The following RYR3 variants were observed in gnomAD, a reference collection of about 807,000 sequenced individuals.
RYR3 encodes the protein brain ryanodine receptor-calcium release channel.
RYR3 carries 207 observed loss-of-function variants against 584.3 expected under a neutral mutation model. That is an observed-to-expected ratio of 0.35 (90% CI 0.32 to 0.40). The LOEUF is 0.40. Ranked by LOEUF, RYR3 falls within the 10% of genes least tolerant of loss-of-function variation. The pLI is 1.00. For synonymous variants in RYR3, 2,416 were observed against 2,248.5 expected, an observed-to-expected ratio of 1.07 and a Z score of -2.11; for missense variants, 5,616 against 6,089.2, an observed-to-expected ratio of 0.92 and a Z score of 2.59.
chr15:33,734,222 A>G (rs975397843), intron 48 of RYR3, among the ~76,000 whole-genome samples: 7 of 152,220 alleles, frequency 4.6e-5, no homozygotes, highest in African/African-American at 1.7e-4. Context: ...CATTCAACAC[A>G]AGATTTTTAT....
intron 31 of RYR3, among the ~76,000 whole-genome samples, chr15:33,649,661 G>A (rs1209738475): frequency 2.0e-5 from 3 of 152,224 alleles, no homozygotes; most frequent in African/African-American, 7.2e-5. Context: ...CCTCCCAAGA[G>A]TTTATAATGG....
At chr15:33,340,132 C>T (rs1320100968) in intron 1 of RYR3, among the ~76,000 whole-genome samples, 2 of 152,202 alleles carry the variant, frequency 1.3e-5, no homozygotes, top group Non-Finnish European at 2.9e-5. Context: ...GTTATTCAAT[C>T]TTCCTTAGCT....
At chr15:33,760,547 G>A (rs1320319401) in intron 60 of RYR3, among the ~76,000 whole-genome samples, 1 of 152,164 alleles carries the variant, frequency 6.6e-6, no homozygotes. Context: ...TCAACAAGAA[G>A]AGCTAACTAT....
At chr15:33,437,745 ATTT>A (rs925262457) in intron 1 of RYR3, among the ~76,000 whole-genome samples, 7 of 152,154 alleles carry the variant, frequency 4.6e-5, no homozygotes, top group African/African-American at 1.7e-4. Flanking sequence ...TTTATTTTTT[ATTT>A]TTGAGATAAG....
intron 2 of RYR3, among the ~76,000 whole-genome samples, chr15:33,491,039 A>C (rs2050924633): frequency 6.6e-6 from 1 of 152,180 alleles, no homozygotes; most frequent in Non-Finnish European, 1.5e-5. Context: ...TTTTTTTAAA[A>C]AAATAAACTG....
At chr15:33,537,509 C>T (rs1220160929) in intron 5 of RYR3, among the ~76,000 whole-genome samples, 1 of 147,908 alleles carries the variant, frequency 6.8e-6, no homozygotes, top group Non-Finnish European at 1.5e-5. Context: ...ACAAGTCATA[C>T]ACACTTTACT....
At chr15:33,515,893 T>C (rs1254055597) in intron 3 of RYR3, among the ~76,000 whole-genome samples, 1 of 152,160 alleles carries the variant, frequency 6.6e-6, no homozygotes, top group Non-Finnish European at 1.5e-5. Context: ...ATTTTGCGTA[T>C]GTGTGTGTGT....
chr15:33,770,121 T>TA (rs5811792), intron 62 of RYR3, among the ~76,000 whole-genome samples: 60,918 of 143,452 alleles, frequency 0.42, 14,350 homozygotes, highest in East Asian at 0.67. Context: ...ACCTCATCTT[T>TA]AAAAAAAAAA....
In RYR3 at chr15:33,669,441, C is replaced by T. The variant is rs1312654984; in HGVS notation, c.5707C>T (p.Leu1903Phe). The change falls in exon 37 of 104, where the codon CTT (leucine) becomes TTT (phenylalanine). Residue 1903 changes from leucine (L) to phenylalanine (F), a missense_variant. Leu to Phe is a conservative substitution (Grantham distance 22, BLOSUM62 0). Around this residue, in one of 9 missense-constraint regions of RYR3, gnomAD observed 1,280 missense variants for 1,426.2 expected, o/e 0.90. Coordinates refer to ENST00000634891, the MANE Select transcript of RYR3 (RefSeq NM_001036.6). ...GGAGCTGTATGATTTCCATGAGGACCTTCTCCTTCACTGTGGTAAGCTGCC... is the reference window on the plus strand; with the variant it reads ...GGAGCTGTATGATTTCCATGAGGACTTTCTCCTTCACTGTGGTAAGCTGCC... ...REELYDFHED[L>F]LLHCGVPLEE... 1.2e-5 allele frequency: 19 copies of T among 1,613,744 alleles called. No homozygotes were observed. The East Asian group carries it at 3.8e-4, about 32-fold the overall frequency.
At position 33,834,582 on chromosome 15, in the gene RYR3, G is replaced by A. The variant is rs560390843; in HGVS notation, c.11464-386G>A. ...GGGCCTGGTTTTCACACTGTGCTTC[G>A]CAGCACCCTTGATCTCCTCCAAAGG... is the stretch of plus-strand genomic sequence containing the variant. On this transcript the variant is annotated intron_variant, in intron 86 of 103. Coordinates refer to ENST00000634891, the MANE Select transcript of RYR3 (RefSeq NM_001036.6). 2.6e-5 allele frequency among the ~76,000 whole-genome samples: 4 copies of A among 151,964 alleles called. No homozygotes were observed. The East Asian group carries it at 7.7e-4, about 29-fold the overall frequency.
chr15:33,519,375 G>A (rs1435425436), intron 3 of RYR3, among the ~76,000 whole-genome samples: 1 of 152,210 alleles, frequency 6.6e-6, no homozygotes, highest in Non-Finnish European at 1.5e-5. Context: ...AAGCAATCAT[G>A]TTTGTTCTTT....
intron 38 of RYR3, among the ~76,000 whole-genome samples, chr15:33,684,821 C>G (rs2064877712): frequency 6.6e-6 from 1 of 152,140 alleles, no homozygotes; most frequent in Admixed American, 6.5e-5. Context: ...ACTTTTCAAC[C>G]CAGAATTTCA....
chr15:33,428,449 A>T (rs2596229), intron 1 of RYR3, among the ~76,000 whole-genome samples: 84,564 of 152,058 alleles, frequency 0.56, 23,646 homozygotes, highest in East Asian at 0.72. Context: ...CCTCACCCAG[A>T]TATCTCAGAT....
chr15:33,412,342 C>T lies in RYR3; in HGVS notation c.52-61077C>T. On this transcript the variant is annotated intron_variant, in intron 1 of 103. Transcript: ENST00000634891. The surrounding 1 kb of genome is among the most constrained non-coding windows in gnomAD (Gnocchi z 4.3). ...CAAGTGCCAAAGGTATGTTCTCAAG[C>T]TGAATTTGGGCTTTGATGCCACTCT... 6.6e-6 allele frequency among the ~76,000 whole-genome samples: 1 copy of T among 152,084 alleles called. No homozygotes were observed. Among genetic ancestry groups the T allele is most frequent in the Non-Finnish European group, 1.5e-5 (1 of 68,008 alleles).
At chr15:33,633,632 G>A (rs547014920) in intron 24 of RYR3, among the ~76,000 whole-genome samples, 2 of 152,312 alleles carry the variant, frequency 1.3e-5, no homozygotes, top group South Asian at 2.1e-4. Flanking sequence ...TCATACCGGA[G>A]CCACACATCT....
chr15:33,552,431 C>T (rs2056753383), intron 10 of RYR3, among the ~76,000 whole-genome samples: 1 of 152,184 alleles, frequency 6.6e-6, no homozygotes, highest in Non-Finnish European at 1.5e-5. Context: ...GGAAAGTCGT[C>T]ATGGTACCAC....
intron 43 of RYR3, among the ~76,000 whole-genome samples, chr15:33,716,179 A>AC (rs1280927772): frequency 1.3e-5 from 2 of 152,152 alleles, no homozygotes; most frequent in African/African-American, 4.8e-5. Context: ...AGTTGCTGGC[A>AC]CCGTTTCCTG....
At chr15:33,601,830 T>C (rs1427524282) in intron 17 of RYR3, among the ~76,000 whole-genome samples, 1 of 152,222 alleles carries the variant, frequency 6.6e-6, no homozygotes, top group East Asian at 1.9e-4. Flanking sequence ...GCCTACCGTG[T>C]TTTCTTTTAA....
Position 33,728,901 on chromosome 15 carries a change from G to T in RYR3, c.7078G>T (p.Asp2360Tyr). Residue 2360 changes from aspartate to tyrosine, a missense_variant, in exon 47 of 104, where the codon GAC becomes TAC. Coordinates refer to ENST00000634891, the MANE Select transcript of RYR3 (RefSeq NM_001036.6). ...EPDMAANFCP[D>Y]HKAPMVLFLD... ...AGATATGGCGGCCAATTTCTGCCCT[G>T]ACCACAAGGCACCTATGGTGCTGTT... 1 of 1,613,548 alleles carries T rather than the reference G, an allele frequency of 6.2e-7. No individual in the cohort carries two copies. The highest frequency in any genetic ancestry group is 1.1e-5 in the South Asian group (1 of 90,938).
Sources: gnomAD v4.1 joint callset for allele counts (sites outside exome capture counted in the v4.1 genomes callset) on GRCh38, gnomAD v4.1.1 for gene constraint, gnomAD v4.1.1 regional missense constraint, Gnocchi (gnomAD v3.1) non-coding constraint, MANE v1.5 for transcripts, NCBI Gene and HGNC (gene_info 2026-07-23, HGNC 2026-07-21) for gene names.